The following TPH2 variants were observed in gnomAD, a reference collection of about 807,000 sequenced individuals.
The protein encoded by TPH2 is tryptophan 5-hydroxylase 2.
TPH2 carries 27 observed loss-of-function variants against 59.1 expected under a neutral mutation model. The ratio of observed to expected loss-of-function variants is 0.46; its 90% CI spans 0.34 to 0.63. The LOEUF (loss-of-function observed/expected upper bound fraction) is 0.63, where lower values mean the gene tolerates loss of function less well. TPH2 is among the 30% of genes least tolerant of loss of function. The pLI is 0.01. For synonymous variants in TPH2, 220 were observed against 210.5 expected (o/e 1.05, Z -0.39); for missense variants, 523 against 588.3 (o/e 0.89, Z 1.15).
chr12:72,020,610 T>C (rs1592415016), intron 8 of TPH2, among the ~76,000 whole-genome samples: 1 of 152,172 alleles, frequency 6.6e-6, no homozygotes, highest in East Asian at 1.9e-4. Context: ...TGCCTCAGTC[T>C]CCTGGGTAGC....
At chr12:72,015,315 G>GTTTTTTTTTTTTTTTTTTTTTT (rs869231666) in intron 8 of TPH2, among the ~76,000 whole-genome samples, 1 of 98,974 alleles carries the variant, frequency 1.0e-5, no homozygotes, top group Non-Finnish European at 2.1e-5. Context: ...TTTTTTGGTT[G>GTTTTTTTTTTTTTTTTTTTTTT]TTTTTTTTTT....
chr12:71,957,275 G>A (rs1223150873), intron 5 of TPH2, among the ~76,000 whole-genome samples: 1 of 146,502 alleles, frequency 6.8e-6, no homozygotes, highest in Non-Finnish European at 1.5e-5. Context: ...ATAGCTAATT[G>A]TTCTTCAATT....
At chr12:71,954,484 T>G (rs1168218921) in intron 5 of TPH2, among the ~76,000 whole-genome samples, 2 of 152,036 alleles carry the variant, frequency 1.3e-5, no homozygotes, top group Non-Finnish European at 2.9e-5. Flanking sequence ...TAAATTCTAG[T>G]ATAAACAGGA....
rs1254043294 is a variant in TPH2 at position 71,964,017 on chromosome 12, A to G, written c.609-8502A>G. Among the ~76,000 whole-genome samples the G allele has an allele frequency of 3.9e-5, 2 of 50,770 alleles. 1 individual carries two copies. The highest frequency in any genetic ancestry group is 1.3e-3 in the East Asian group (2 of 1,512). The allele number at this position is 50,770 out of a possible 152,430, so 33.3% of individuals were successfully genotyped here. A position where few individuals can be genotyped will look rare whatever the true frequency, so the allele number is the denominator to read the frequency against. On this transcript the variant is annotated intron_variant, in intron 5 of 10. Transcript: ENST00000333850. ...AAAAGCAAAAAGGAGAAACCATTTC[A>G]GAGAAATTAAAGCATCAACAACTGG...
chr12:71,953,436 G>A (rs1457047513), intron 5 of TPH2, among the ~76,000 whole-genome samples: 1 of 152,058 alleles, frequency 6.6e-6, no homozygotes, highest in Non-Finnish European at 1.5e-5. Flanking sequence ...TGGTGGGGGT[G>A]GGGCACAGAT....
intron 5 of TPH2, among the ~76,000 whole-genome samples, chr12:71,956,740 G>T (rs1871518359): frequency 6.6e-6 from 1 of 152,036 alleles, no homozygotes; most frequent in African/African-American, 2.4e-5. Flanking sequence ...CTCCCGAGTA[G>T]CTGGGACCAC....
intron 2 of TPH2, among the ~76,000 whole-genome samples, chr12:71,943,687 G>A (rs558014169): frequency 3.3e-5 from 5 of 151,912 alleles, no homozygotes; most frequent in Non-Finnish European, 4.4e-5. Flanking sequence ...CAAAGATCCT[G>A]TCTTGACTAC....
In TPH2 at chr12:72,031,137, A is replaced by T. The variant is rs866352310; in HGVS notation, c.1165-121A>T. The T allele has an allele frequency of 2.3e-6, 3 of 1,297,614 alleles. No homozygotes were observed. The Middle Eastern group carries it at 6.6e-4, about 284-fold the overall frequency. The allele number at this position is 1,297,614 out of a possible 1,614,324, so 80.4% of individuals were successfully genotyped here. On this transcript the variant is annotated intron_variant, in intron 9 of 10. Coordinates refer to ENST00000333850, the MANE Select transcript of TPH2 (RefSeq NM_173353.4). ...AGGAGAGTTCCATATTTCATGACAG[A>T]CTAGTAACTGAGCAGCTCTGTAGGA...
chr12:71,947,362 G>C (rs569892044), intron 4 of TPH2, among the ~76,000 whole-genome samples: 33 of 151,930 alleles, frequency 2.2e-4, no homozygotes, highest in African/African-American at 7.7e-4. Flanking sequence ...AAATTTAGCT[G>C]AGCACTTTAG....
chr12:72,008,310 T>C (rs1592409202), intron 8 of TPH2, among the ~76,000 whole-genome samples: 2 of 152,208 alleles, frequency 1.3e-5, no homozygotes, highest in African/African-American at 2.4e-5. Flanking sequence ...ACTCCTTAGA[T>C]TGAGATTCAG....
chr12:71,978,819 C>G (rs528613812), intron 6 of TPH2, 133 bp from the exon 7 acceptor site: 1 of 1,107,306 alleles, frequency 9.0e-7, no homozygotes, highest in South Asian at 1.3e-5. Flanking sequence ...GTATATGTCA[C>G]TCAGTTGTCA....
At chr12:72,007,142 G>T (rs1872975685) in intron 8 of TPH2, among the ~76,000 whole-genome samples, 1 of 151,942 alleles carries the variant, frequency 6.6e-6, no homozygotes, top group African/African-American at 2.4e-5. Flanking sequence ...ATGCTACTTT[G>T]CAATGTAAAG....
chr12:72,014,956 C>T (rs1051254580), intron 8 of TPH2, among the ~76,000 whole-genome samples: 2 of 152,102 alleles, frequency 1.3e-5, no homozygotes, highest in Admixed American at 6.6e-5. Context: ...TTTTTATTGC[C>T]TTAAAACCTC....
intron 8 of TPH2, among the ~76,000 whole-genome samples, chr12:71,996,367 G>A (rs1016791301): frequency 4.6e-5 from 7 of 152,192 alleles, no homozygotes; most frequent in South Asian, 2.1e-4. Context: ...TTCAGCCCAC[G>A]CTCAACTGGA....
At chr12:71,979,185 A>G in intron 7 of TPH2, 98 bp downstream of exon 7, 1 of 1,520,354 alleles carries the variant, frequency 6.6e-7, no homozygotes, top group South Asian at 1.1e-5. Flanking sequence ...CTCCAAACTA[A>G]TTTCCTTGAG....
rs114872767 is a variant in TPH2 at position 72,004,699 on chromosome 12, G to A, written c.1068+10134G>A. On this transcript the variant is annotated intron_variant, in intron 8 of 10. Transcript: ENST00000333850. The stretch of plus-strand genomic sequence containing the variant: ...ACTTGTATTAACAGAAATATCTGTG[G>A]TGTAATTCCATTTCTAGCAAAAGCA... Among the ~76,000 whole-genome samples, 1,096 of 152,284 alleles carry A rather than the reference G, an allele frequency of 7.2e-3. 11 individuals carry two copies. The highest frequency in any genetic ancestry group is 0.025 in the African/African-American group (1,021 of 41,556).
At chr12:71,939,135 G>A (rs1162009983) in intron 1 of TPH2, 44 bp downstream of exon 1, 1 of 1,465,386 alleles carries the variant, frequency 6.8e-7, no homozygotes, top group African/African-American at 1.4e-5. Context: ...ATTTTTTAGG[G>A]TGTGACCATC....
intron 1 of TPH2, 106 bp from the exon 2 acceptor site, chr12:71,941,478 G>C: frequency 7.2e-7 from 1 of 1,392,182 alleles, no homozygotes; most frequent in South Asian, 1.3e-5. Context: ...TGTATGATTG[G>C]TGGAGCTTCC....
rs114737303 is a variant in TPH2 at position 71,967,967 on chromosome 12, T to C, written c.609-4552T>C. On this transcript the variant is annotated intron_variant, in intron 5 of 10. Coordinates refer to ENST00000333850, the MANE Select transcript of TPH2 (RefSeq NM_173353.4). ...AATGTGTGTGGATGTGCATGTGTTT[T>C]TTGGGGAGTTCTCTGGTTCTGAGAC... Among the ~76,000 whole-genome samples, 1,269 of 152,274 alleles carry C rather than the reference T, an allele frequency of 8.3e-3. 15 individuals are homozygous for C. The highest frequency in any genetic ancestry group is 0.028 in the African/African-American group (1,160 of 41,546).
Sources: allele counts gnomAD v4.1 joint callset (sites outside exome capture counted in the v4.1 genomes callset), GRCh38; gene constraint gnomAD v4.1.1; transcripts MANE v1.5; gene names NCBI Gene and HGNC (gene_info 2026-07-23, HGNC 2026-07-21).